Variants in TBC1D9 observed in about 807,000 individuals in gnomAD.
TBC1D9 encodes the protein TBC1 domain family member 9, also known as TBC1 domain family member 9A.
Under a neutral mutation model 132.0 loss-of-function variants are expected in TBC1D9, and 63 were observed. The ratio of observed to expected loss-of-function variants is 0.48; its 90% CI spans 0.39 to 0.59. The LOEUF is 0.59. TBC1D9 is among the 20% of genes least tolerant of loss of function. The pLI is 0.00. For synonymous variants in TBC1D9, 610 were observed against 609.9 expected (o/e 1.00, Z 0.00); for missense variants, 1,261 against 1,592.7 (o/e 0.79, Z 3.54).
chr4:140,622,085 G>C lies in TBC1D9; in HGVS notation c.*110C>G. ...TATGAAAACACTAGGCTTCAAGCCA[G>C]GTACTAATAAATATTTAATTTAAAA... On this transcript the variant is annotated 3_prime_UTR_variant, in exon 21 of 21. Coordinates refer to ENST00000442267, the MANE Select transcript of TBC1D9 (RefSeq NM_015130.3). 7.1e-7 allele frequency: 1 copy of C among 1,400,822 alleles called. No individual in the cohort carries two copies. The highest frequency in any genetic ancestry group is 9.4e-7 in the Non-Finnish European group (1 of 1,058,726). The allele number at this position is 1,400,822 out of a possible 1,614,324, so 86.8% of individuals were successfully genotyped here.
At chr4:140,709,244 T>A (rs1274314368) in intron 1 of TBC1D9, among the ~76,000 whole-genome samples, 1,204 of 107,066 alleles carry the variant, frequency 0.011, 12 homozygotes, top group African/African-American at 0.048. Context: ...TCTCTCTCTC[T>A]CTCTCACACA....
chr4:140,677,238 T>C (rs960626494), intron 5 of TBC1D9, 137 bp from the exon 6 acceptor site: 3 of 954,120 alleles, frequency 3.1e-6, no homozygotes, highest in African/African-American at 3.3e-5. Context: ...CAGCTTTCTT[T>C]ATATTGAAGT....
In TBC1D9 at chr4:140,678,943, G is replaced by A. The variant is rs939299468; in HGVS notation, c.850C>T (p.Arg284Cys). ...AGATACAAGGTCTCTATCACCCACCGTTTTAGAGCAGACACTTTTTTAGGA... is the reference window on the plus strand; with the variant it reads ...AGATACAAGGTCTCTATCACCCACCATTTTAGAGCAGACACTTTTTTAGGA... ...KSPKKVSALK[R>C]DLDARAKSER... Residue 284 changes from arginine (R) to cysteine (C), a missense_variant and splice_region_variant, in exon 5 of 21, where the codon CGT becomes TGT. Arg to Cys is a radical substitution (Grantham distance 180). Coordinates refer to ENST00000442267, the MANE Select transcript of TBC1D9 (RefSeq NM_015130.3). The A allele has an allele frequency of 1.2e-6, 2 of 1,613,512 alleles. No individual in the cohort carries two copies. The highest frequency in any genetic ancestry group is 1.7e-5 in the Admixed American group (1 of 59,974).
chr4:140,641,833 G>C (rs1378937341), intron 13 of TBC1D9: 1 of 304,628 alleles, frequency 3.3e-6, no homozygotes, highest in East Asian at 7.9e-5. Flanking sequence ...CCTTCCTGCG[G>C]CCATCCGCAC....
chr4:140,656,779 G>A (rs1737278012), intron 13 of TBC1D9, among the ~76,000 whole-genome samples: 1 of 152,194 alleles, frequency 6.6e-6, no homozygotes, highest in South Asian at 2.1e-4. Flanking sequence ...TTTAGGTCAT[G>A]AAGACTCTGC....
At chr4:140,729,115 T>C (rs529018985) in intron 1 of TBC1D9, among the ~76,000 whole-genome samples, 2 of 152,332 alleles carry the variant, frequency 1.3e-5, no homozygotes, top group South Asian at 2.1e-4. Flanking sequence ...CCCTCTGTCA[T>C]GCAGTCCTCA....
At chr4:140,661,802 G>C (rs1737365910) in intron 10 of TBC1D9, 91 bp downstream of exon 10, 1 of 1,115,712 alleles carries the variant, frequency 9.0e-7, no homozygotes, top group Non-Finnish European at 1.3e-6. Context: ...TGATAGTTCT[G>C]TTAACCATAA....
At chr4:140,642,125 G>A in intron 13 of TBC1D9, 2 of 751,238 alleles carry the variant, frequency 2.7e-6, no homozygotes, top group Non-Finnish European at 4.9e-6. Flanking sequence ...GCTAGGGGCC[G>A]CCAGCTGCCT....
chr4:140,687,639 G>A (rs894104559), intron 2 of TBC1D9, among the ~76,000 whole-genome samples: 3 of 151,742 alleles, frequency 2.0e-5, no homozygotes, highest in African/African-American at 4.8e-5. Flanking sequence ...AACTAAAATC[G>A]CTGAGAGAAT....
intron 2 of TBC1D9, among the ~76,000 whole-genome samples, chr4:140,690,663 G>A (rs1450946550): frequency 6.6e-6 from 1 of 152,062 alleles, no homozygotes. Context: ...GGCTGCTTCG[G>A]TACTGCCAAA....
chr4:140,739,694 A>G (rs1263553407), intron 1 of TBC1D9, among the ~76,000 whole-genome samples: 1 of 152,236 alleles, frequency 6.6e-6, no homozygotes, highest in African/African-American at 2.4e-5. Flanking sequence ...ACCAAAATGT[A>G]GAATTTTCCT....
intron 3 of TBC1D9, among the ~76,000 whole-genome samples, chr4:140,680,571 C>T (rs1219078900): frequency 6.6e-6 from 1 of 152,060 alleles, no homozygotes; most frequent in East Asian, 1.9e-4. Flanking sequence ...CCTTGAATTC[C>T]ACCTTTGACT....
At chr4:140,713,878 G>A (rs1738289238) in intron 1 of TBC1D9, among the ~76,000 whole-genome samples, 1 of 152,114 alleles carries the variant, frequency 6.6e-6, no homozygotes, top group Non-Finnish European at 1.5e-5. Context: ...CTAGGTTGGT[G>A]CAAAAGTAAT....
intron 1 of TBC1D9, among the ~76,000 whole-genome samples, chr4:140,713,279 G>T (rs1009483583): frequency 8.6e-5 from 13 of 151,986 alleles, no homozygotes; most frequent in Non-Finnish European, 1.6e-4. Flanking sequence ...CCATGGTGTT[G>T]CCTTCAGCTA....
chr4:140,754,658 G>A (rs1738980057), intron 1 of TBC1D9, among the ~76,000 whole-genome samples: 1 of 144,830 alleles, frequency 6.9e-6, no homozygotes, highest in Non-Finnish European at 1.5e-5. Context: ...AATGTGGGCT[G>A]ATTCCAATAT....
chr4:140,635,411 G>A (rs972640272), intron 15 of TBC1D9, among the ~76,000 whole-genome samples: 1 of 152,156 alleles, frequency 6.6e-6, no homozygotes, highest in Admixed American at 6.5e-5. Context: ...GAGCCCAGGA[G>A]GTCAAGTCTG....
intron 6 of TBC1D9, among the ~76,000 whole-genome samples, chr4:140,674,040 A>T (rs1737585642): frequency 6.6e-6 from 1 of 152,178 alleles, no homozygotes; most frequent in Non-Finnish European, 1.5e-5. Flanking sequence ...CATTTATGGT[A>T]TTCTGAATCA....
At chr4:140,699,351 A>G (rs1738028164) in intron 2 of TBC1D9, among the ~76,000 whole-genome samples, 2 of 152,212 alleles carry the variant, frequency 1.3e-5, no homozygotes, top group Admixed American at 1.3e-4. Context: ...CCCTCCAAAG[A>G]GAATACTTTG....
At chr4:140,715,057 G>C (rs575123018) in intron 1 of TBC1D9, among the ~76,000 whole-genome samples, 2 of 152,180 alleles carry the variant, frequency 1.3e-5, no homozygotes, top group Admixed American at 1.3e-4. Context: ...AGGAGAGATC[G>C]AGGCTGCAGT....
Sources: gnomAD v4.1 joint callset for allele counts (sites outside exome capture counted in the v4.1 genomes callset) on GRCh38, gnomAD v4.1.1 for gene constraint, MANE v1.5 for transcripts, NCBI Gene and HGNC (gene_info 2026-07-23, HGNC 2026-07-21) for gene names.